The following PCDHGA2 variants were observed in gnomAD, a reference collection of about 807,000 sequenced individuals.
PCDHGA2 encodes the protein protocadherin gamma-A2.
A neutral mutation model predicts 59.2 loss-of-function variants in PCDHGA2; 40 were observed. The observed-to-expected ratio is 0.68, with a 90% confidence interval of 0.52 to 0.88. The LOEUF (loss-of-function observed/expected upper bound fraction) is 0.88. Ranked by LOEUF, PCDHGA2 falls within the 40% of genes least tolerant of loss-of-function variation. PCDHGA2 has a pLI of 0.00. For synonymous variants in PCDHGA2, 560 were observed against 526.0 expected, an observed-to-expected ratio of 1.06 and a Z score of -0.89; for missense variants, 1,226 against 1,204.0, an observed-to-expected ratio of 1.02 and a Z score of -0.27.
chr5:141,384,623 T>C (rs906239388), intron 1 of PCDHGA2: 7 of 1,614,092 alleles, frequency 4.3e-6, no homozygotes, highest in African/African-American at 1.3e-5. Flanking sequence ...TCTACTGGCA[T>C]GGAGCTGGCA....
At chr5:141,384,901 A>G in intron 1 of PCDHGA2, 1 of 1,613,838 alleles carries the variant, frequency 6.2e-7, no homozygotes, top group South Asian at 1.1e-5. Flanking sequence ...GGCTGACAGC[A>G]TCCCCGAAGT....
chr5:141,393,615 G>A (rs1168568292), intron 1 of PCDHGA2: 1 of 1,613,928 alleles, frequency 6.2e-7, no homozygotes, highest in South Asian at 1.1e-5. Context: ...AACAGCCAGC[G>A]ACCCGGATGA....
At chr5:141,348,904 T>C (rs990008053) in intron 1 of PCDHGA2, among the ~76,000 whole-genome samples, 5 of 152,140 alleles carry the variant, frequency 3.3e-5, no homozygotes, top group Non-Finnish European at 7.4e-5. Context: ...GCATTTGAAA[T>C]AAAGGGATTT....
In PCDHGA2 at chr5:141,339,046, G is replaced by GGGTCGGGCAGATTC; in HGVS notation, c.76_77insGTCGGGCAGATTCG (p.Ala26GlyfsTer25). The stretch of plus-strand genomic sequence containing the variant: ...GCTTCCTTTTGGCGACCCTGTGGGA[G>GGGTCGGGCAGATTC]GCCAGGGCCGGGCAGATTCGCTATT... On this transcript the variant is annotated frameshift_variant, in exon 1 of 4. Transcript: ENST00000394576. LOFTEE classifies it high-confidence loss of function. The GGGTCGGGCAGATTC allele has an allele frequency of 6.2e-7, 1 of 1,609,810 alleles. No individual in the cohort carries two copies.
rs374857095 is a variant in PCDHGA2, at chr5:141,409,142, A to G, written c.2424+67747A>G. 6 of 1,613,904 alleles carry G rather than the reference A, an allele frequency of 3.7e-6. No individual in the cohort carries two copies. In the African/African-American group the frequency reaches 6.7e-5, roughly 18 times the overall value. ...GTCATTTGATTTTGAAGATGTAGAA[A>G]GGTACACCATGGAAGTGGAAGCGAA... is the stretch of plus-strand genomic sequence containing the variant. On this transcript the variant is annotated intron_variant, in intron 1 of 3. Coordinates refer to ENST00000394576, the MANE Select transcript of PCDHGA2 (RefSeq NM_018915.4).
chr5:141,341,197 C>T lies in PCDHGA2; in HGVS notation c.2226C>T (p.Gly742=), dbSNP rs1278697431. The T allele has an allele frequency of 2.5e-6, 4 of 1,614,072 alleles. No individual in the cohort carries two copies. Among genetic ancestry groups the T allele is most frequent in the African/African-American group, 2.7e-5 (2 of 74,926 alleles). Residue 742 remains glycine, a synonymous_variant, in exon 1 of 4, where the codon GGC becomes GGT. Transcript: ENST00000394576. ...LTGMQSSHFV[G]VDGVRAFLQT... ...GCATGCAGAGCTCGCACTTTGTGGG[C>T]GTGGACGGGGTTCGGGCTTTCCTGC...
intron 1 of PCDHGA2, among the ~76,000 whole-genome samples, chr5:141,402,646 G>A (rs2094289569): frequency 6.6e-6 from 1 of 152,198 alleles, no homozygotes; most frequent in South Asian, 2.1e-4. Context: ...ATCATAATTA[G>A]AAGAGAGTAG....
chr5:141,351,978 T>A, intron 1 of PCDHGA2: 1 of 1,612,196 alleles, frequency 6.2e-7, no homozygotes, highest in Non-Finnish European at 8.5e-7. Context: ...CTCTTCGATA[T>A]GGTGCCACGC....
At chr5:141,365,770 C>G in intron 1 of PCDHGA2, 4 of 1,613,918 alleles carry the variant, frequency 2.5e-6, no homozygotes, top group Non-Finnish European at 3.4e-6. Context: ...ATGACCCCGA[C>G]AGCGGCGACA....
At chr5:141,345,361 T>C in intron 1 of PCDHGA2, 1 of 1,613,952 alleles carries the variant, frequency 6.2e-7, no homozygotes, top group Non-Finnish European at 8.5e-7. Flanking sequence ...CTGCATGTGA[T>C]TGACATCAAT....
At chr5:141,368,562 A>T (rs1765727979) in intron 1 of PCDHGA2, among the ~76,000 whole-genome samples, 1 of 152,144 alleles carries the variant, frequency 6.6e-6, no homozygotes, top group African/African-American at 2.4e-5. Flanking sequence ...AGAAAATGTT[A>T]TATGCTTCTT....
At chr5:141,410,302 A>G (rs1332359508) in intron 1 of PCDHGA2, 1 of 1,613,356 alleles carries the variant, frequency 6.2e-7, no homozygotes, top group Non-Finnish European at 8.5e-7. Context: ...CCTTAATCTC[A>G]GTGCTCTTCC....
chr5:141,506,544 G>GT (rs2099854759), intron 3 of PCDHGA2, among the ~76,000 whole-genome samples: 1 of 151,880 alleles, frequency 6.6e-6, no homozygotes, highest in Non-Finnish European at 1.5e-5. Flanking sequence ...GAGTCCTTAG[G>GT]TAAGTTATTA....
At chr5:141,405,186 G>T (rs762537440) in intron 1 of PCDHGA2, 2 of 1,612,892 alleles carry the variant, frequency 1.2e-6, no homozygotes, top group Non-Finnish European at 1.7e-6. Context: ...GGTGTAGATG[G>T]GGTTCGAGCT....
intron 1 of PCDHGA2, chr5:141,413,345 G>A (rs2095628318): frequency 8.7e-6 from 14 of 1,613,996 alleles, no homozygotes; most frequent in Non-Finnish European, 1.0e-5. Flanking sequence ...AAGGACTTGG[G>A]TCTGGCGCCC....
At chr5:141,371,175 G>T (rs753971437) in intron 1 of PCDHGA2, 1 of 1,614,004 alleles carries the variant, frequency 6.2e-7, no homozygotes, top group South Asian at 1.1e-5. Flanking sequence ...TGGCTCCTCC[G>T]TATTAAAAGT....
At position 141,431,274 on chromosome 5, in the gene PCDHGA2, TC is replaced by T. The variant is rs767658803; in HGVS notation, c.2425-63532del. On this transcript the variant is annotated intron_variant, in intron 1 of 3. Transcript: ENST00000394576. The surrounding 1 kb of genome is among the most constrained non-coding windows in gnomAD (Gnocchi z 4.8). ...AAGAACTCTCTGCAGAGCTACGAGC[TC>T]AGCCCGAACACTCACTTCTCCCTCA... 6 of 1,614,128 alleles carry T rather than the reference TC, an allele frequency of 3.7e-6. No homozygotes were observed. Among genetic ancestry groups the T allele is most frequent in the Non-Finnish European group, 5.1e-6 (6 of 1,180,024 alleles).
intron 1 of PCDHGA2, among the ~76,000 whole-genome samples, chr5:141,380,132 T>A (rs552082658): frequency 4.4e-4 from 67 of 152,174 alleles, no homozygotes; most frequent in African/African-American, 1.6e-3. Context: ...ACTCCTGACC[T>A]TAAGTGATCC....
chr5:141,494,528 G>A lies in PCDHGA2; in HGVS notation c.2425-279G>A, dbSNP rs189993899. On this transcript the variant is annotated intron_variant, in intron 1 of 3. Coordinates refer to ENST00000394576, the MANE Select transcript of PCDHGA2 (RefSeq NM_018915.4). ...ATTTTGGCTCAGGAGTTCTGACTCTGGGGGCAGGGAGGAAGGGGCCATTTC... is the reference window on the plus strand; with the variant it reads ...ATTTTGGCTCAGGAGTTCTGACTCTAGGGGCAGGGAGGAAGGGGCCATTTC... 3.0e-4 allele frequency among the ~76,000 whole-genome samples: 45 copies of A among 152,274 alleles called. 1 individual carries two copies. Among genetic ancestry groups the A allele is most frequent in the African/African-American group, 1.0e-3 (42 of 41,542 alleles).
Sources: allele counts gnomAD v4.1 joint callset (sites outside exome capture counted in the v4.1 genomes callset), GRCh38; gene constraint gnomAD v4.1.1; non-coding constraint Gnocchi (gnomAD v3.1); transcripts MANE v1.5; gene names NCBI Gene and HGNC (gene_info 2026-07-23, HGNC 2026-07-21).